The following ERBB4 variants were observed in gnomAD, a reference collection of about 807,000 sequenced individuals.
ERBB4 encodes receptor tyrosine-protein kinase erbB-4.
In ERBB4, 42 loss-of-function variants were observed where a neutral mutation model predicts 158.0. That is an observed-to-expected ratio of 0.27 (90% CI 0.21 to 0.34). ERBB4 has a LOEUF of 0.34. Ranked by LOEUF, ERBB4 falls within the 10% of genes least tolerant of loss-of-function variation. The pLI is 1.00. For synonymous variants in ERBB4, 583 were observed against 558.7 expected, an observed-to-expected ratio of 1.04 and a Z score of -0.61; for missense variants, 1,333 against 1,624.1, an observed-to-expected ratio of 0.82 and a Z score of 3.08.
At chr2:212,221,482 A>G (rs910536631) in intron 1 of ERBB4, among the ~76,000 whole-genome samples, 23 of 151,554 alleles carry the variant, frequency 1.5e-4, no homozygotes, top group Non-Finnish European at 2.8e-4. Flanking sequence ...GTTTGGGAAT[A>G]CAGACATCTC....
intron 1 of ERBB4, among the ~76,000 whole-genome samples, chr2:212,129,688 C>T (rs770615031): frequency 2.6e-5 from 4 of 151,842 alleles, no homozygotes; most frequent in Non-Finnish European, 4.4e-5. Context: ...TATATACCTT[C>T]TTAAAATGGA....
chr2:211,422,258 T>C (rs1006607103), intron 23 of ERBB4, among the ~76,000 whole-genome samples, 154 bp from the exon 24 acceptor site: 5 of 151,922 alleles, frequency 3.3e-5, no homozygotes, highest in African/African-American at 1.2e-4. Flanking sequence ...AACGACTCAA[T>C]TGGTAAGGCT....
chr2:212,501,620 A>G (rs948064922), intron 1 of ERBB4, among the ~76,000 whole-genome samples: 60 of 152,320 alleles, frequency 3.9e-4, no homozygotes, highest in African/African-American at 1.4e-3. Flanking sequence ...GTACCCTGAA[A>G]ATCATACCTG....
At position 211,638,269 on chromosome 2, in the gene ERBB4, C is replaced by T. The variant is rs73988626; in HGVS notation, c.1947-7675G>A. 4.7e-3 allele frequency among the ~76,000 whole-genome samples: 717 copies of T among 152,088 alleles called. 9 individuals are homozygous for T. Among genetic ancestry groups the T allele is most frequent in the African/African-American group, 0.015 (637 of 41,502 alleles). ...TGTACTGCTACTCTGTTCAGCCTTC[C>T]CCAAAACAGTTCAGATTTGAAACAA... is the stretch of plus-strand genomic sequence containing the variant. On this transcript the variant is annotated intron_variant, in intron 16 of 27. Coordinates refer to ENST00000342788, the MANE Select transcript of ERBB4 (RefSeq NM_005235.3).
chr2:212,004,780 T>C (rs1322993105), intron 2 of ERBB4, among the ~76,000 whole-genome samples: 2 of 152,066 alleles, frequency 1.3e-5, no homozygotes, highest in Non-Finnish European at 2.9e-5. Flanking sequence ...TAATATTTGA[T>C]TTATATTATA....
intron 1 of ERBB4, among the ~76,000 whole-genome samples, chr2:212,190,002 T>C (rs2082137657): frequency 6.6e-6 from 1 of 152,188 alleles, no homozygotes; most frequent in Admixed American, 6.5e-5. Context: ...CACCTTTTTA[T>C]AATAAAGCCT....
chr2:212,498,172 TGA>T (rs1690688240), intron 1 of ERBB4, among the ~76,000 whole-genome samples: 1 of 152,084 alleles, frequency 6.6e-6, no homozygotes, highest in African/African-American at 2.4e-5. Context: ...GGATTTTTGA[TGA>T]GTGTAAAGAT....
chr2:212,131,408 T>A (rs1240397184), intron 1 of ERBB4, among the ~76,000 whole-genome samples: 1 of 152,198 alleles, frequency 6.6e-6, no homozygotes, highest in Non-Finnish European at 1.5e-5. Flanking sequence ...GAATCTGTAG[T>A]CATCTTTTCT....
At chr2:212,480,574 G>A (rs1689642945) in intron 1 of ERBB4, among the ~76,000 whole-genome samples, 1 of 152,176 alleles carries the variant, frequency 6.6e-6, no homozygotes, top group South Asian at 2.1e-4. Flanking sequence ...TATATAATGT[G>A]TGCCATGCAG....
intron 25 of ERBB4, among the ~76,000 whole-genome samples, chr2:211,398,079 A>T (rs2062958559): frequency 6.6e-6 from 1 of 150,922 alleles, no homozygotes; most frequent in Non-Finnish European, 1.5e-5. Flanking sequence ...TTAAAGTGAA[A>T]TGGCCATCTT....
At chr2:212,038,043 T>G (rs556815895) in intron 2 of ERBB4, among the ~76,000 whole-genome samples, 1 of 152,286 alleles carries the variant, frequency 6.6e-6, no homozygotes, top group African/African-American at 2.4e-5. Context: ...TAACATTCCA[T>G]GTATCATTTT....
chr2:212,537,647 G>A (rs1470484986), intron 1 of ERBB4, among the ~76,000 whole-genome samples: 2 of 152,104 alleles, frequency 1.3e-5, no homozygotes, highest in African/African-American at 4.8e-5. Context: ...AAGTTTGAAG[G>A]ACTCCGGCCA....
At chr2:211,648,490 T>A (rs2070863340) in intron 16 of ERBB4, among the ~76,000 whole-genome samples, 1 of 151,812 alleles carries the variant, frequency 6.6e-6, no homozygotes, top group African/African-American at 2.4e-5. Context: ...TAGCCAACAT[T>A]TGACATGTAG....
chr2:211,437,265 C>T (rs1005503224), intron 20 of ERBB4, among the ~76,000 whole-genome samples: 12 of 152,128 alleles, frequency 7.9e-5, no homozygotes, highest in African/African-American at 2.9e-4. Context: ...AATGTGTAAT[C>T]ATAGTAAATA....
chr2:211,842,169 T>C (rs2077484814), intron 3 of ERBB4, among the ~76,000 whole-genome samples: 1 of 152,034 alleles, frequency 6.6e-6, no homozygotes, highest in Non-Finnish European at 1.5e-5. Flanking sequence ...TGAATTTTTT[T>C]GAATATTGTT....
chr2:211,552,530 C>G (rs1041703870), intron 20 of ERBB4, among the ~76,000 whole-genome samples: 1 of 151,804 alleles, frequency 6.6e-6, no homozygotes, highest in Non-Finnish European at 1.5e-5. Context: ...ACCCTTTCAA[C>G]TAGTTTCAAT....
At chr2:212,051,083 A>G (rs541973162) in intron 2 of ERBB4, among the ~76,000 whole-genome samples, 43 of 152,312 alleles carry the variant, frequency 2.8e-4, no homozygotes, top group Middle Eastern at 6.8e-3. Context: ...CTTTGGCAAC[A>G]TTCCCCCAAT....
chr2:211,534,665 C>T (rs1044979248), intron 20 of ERBB4, among the ~76,000 whole-genome samples: 11 of 151,938 alleles, frequency 7.2e-5, no homozygotes, highest in Admixed American at 3.3e-4. Context: ...GTTAAATTTT[C>T]GGTTAAATCA....
At chr2:212,465,612 T>C (rs1187790504) in intron 1 of ERBB4, among the ~76,000 whole-genome samples, 1 of 152,146 alleles carries the variant, frequency 6.6e-6, no homozygotes, top group Non-Finnish European at 1.5e-5. Context: ...GCGTTTATAG[T>C]CTAGCCTTGC....
Sources: allele counts gnomAD v4.1 joint callset (sites outside exome capture counted in the v4.1 genomes callset), GRCh38; gene constraint gnomAD v4.1.1; transcripts MANE v1.5; gene names NCBI Gene and HGNC (gene_info 2026-07-23, HGNC 2026-07-21).